Variants in MIPEP observed in about 807,000 individuals in gnomAD.
MIPEP encodes the protein mitochondrial intermediate peptidase.
Under a neutral mutation model 90.3 loss-of-function variants are expected in MIPEP, and 79 were observed. That is an observed-to-expected ratio of 0.87 (90% CI 0.73 to 1.05). The LOEUF is 1.05. MIPEP is among the 50% of genes least tolerant of loss of function. The pLI, the probability that MIPEP is intolerant of heterozygous loss-of-function variation, is 0.00. For missense variants in MIPEP, 940 were observed against 905.6 expected, an observed-to-expected ratio of 1.04 and a Z score of -0.49; for synonymous variants, 334 against 315.8, an observed-to-expected ratio of 1.06 and a Z score of -0.61.
intron 16 of MIPEP, among the ~76,000 whole-genome samples, chr13:23,768,792 A>AG (rs1952618982): frequency 6.6e-6 from 1 of 152,174 alleles, no homozygotes; most frequent in Admixed American, 6.5e-5. Context: ...AATGTTAAGG[A>AG]CAAACAAAAT....
intron 14 of MIPEP, among the ~76,000 whole-genome samples, chr13:23,835,587 C>T (rs1205781733): frequency 1.3e-5 from 2 of 152,022 alleles, no homozygotes; most frequent in South Asian, 2.1e-4. Flanking sequence ...TCACGTAATA[C>T]GGTTCTAGTA....
intron 17 of MIPEP, among the ~76,000 whole-genome samples, chr13:23,757,871 T>C (rs1039873895): frequency 6.6e-6 from 1 of 152,244 alleles, no homozygotes; most frequent in Admixed American, 6.5e-5. Context: ...CTCTTTTGTA[T>C]TTTATGAAAA....
chr13:23,765,292 AC>A (rs1198293840), intron 16 of MIPEP, among the ~76,000 whole-genome samples: 13 of 152,334 alleles, frequency 8.5e-5, no homozygotes, highest in Non-Finnish European at 1.6e-4. Flanking sequence ...TTTCCTATCC[AC>A]AGTTTCAGTT....
chr13:23,858,994 G>T, intron 9 of MIPEP, 82 bp from the exon 10 acceptor site: 1 of 1,093,238 alleles, frequency 9.1e-7, no homozygotes, highest in Non-Finnish European at 1.4e-6. Context: ...CCTATAGAAT[G>T]TAAACCAGCT....
intron 18 of MIPEP, among the ~76,000 whole-genome samples, chr13:23,736,125 C>T (rs1952261201): frequency 6.6e-6 from 1 of 152,178 alleles, no homozygotes; most frequent in Admixed American, 6.5e-5. Flanking sequence ...GAGCTGTTAA[C>T]TCCAACCAAG....
intron 5 of MIPEP, among the ~76,000 whole-genome samples, chr13:23,873,402 G>A (rs1268947788): frequency 1.3e-5 from 2 of 152,196 alleles, no homozygotes; most frequent in Non-Finnish European, 2.9e-5. Context: ...CTGACCAGCA[G>A]GATGGTGACA....
In MIPEP at chr13:23,796,051, T is replaced by A. The variant is rs1952956195; in HGVS notation, c.1848+9899A>T. ...AGTGTTTAAATGTCACCTATCTTCA[T>A]ATATTATATATATATGTGTGTGTGT... On this transcript the variant is annotated intron_variant, in intron 16 of 18. Transcript: ENST00000382172. 2.0e-5 allele frequency among the ~76,000 whole-genome samples: 3 copies of A among 152,152 alleles called. No individual in the cohort carries two copies. The South Asian group carries it at 6.2e-4, about 31-fold the overall frequency.
chr13:23,760,175 T>C lies in MIPEP; in HGVS notation c.1891A>G (p.Arg631Gly). The C allele has an allele frequency of 6.2e-7, 1 of 1,614,006 alleles. No individual in the cohort carries two copies. The highest frequency in any genetic ancestry group is 1.1e-5 in the South Asian group (1 of 91,074). ...CTGGACATGAGGTAAGAGTAATATC[T>C]AGCACCATACCCCACGAGGTGGCTG... ...RFSHLVGYGARYYSYLMSRAV... is the reference protein window; with the variant it reads ...RFSHLVGYGAGYYSYLMSRAV... Residue 631 changes from arginine to glycine, a missense_variant, in exon 17 of 19, where the codon AGA (arginine) becomes GGA (glycine). Arg to Gly is a moderately radical substitution (Grantham distance 125). Transcript: ENST00000382172.
intron 4 of MIPEP, among the ~76,000 whole-genome samples, chr13:23,877,568 AT>A (rs1384215227): frequency 6.6e-6 from 1 of 152,206 alleles, no homozygotes; most frequent in Non-Finnish European, 1.5e-5. Flanking sequence ...AAATACATTG[AT>A]ACATCAGATT....
intron 14 of MIPEP, among the ~76,000 whole-genome samples, chr13:23,812,224 G>A (rs550052411): frequency 7.9e-5 from 12 of 152,170 alleles, no homozygotes; most frequent in South Asian, 2.1e-4. Flanking sequence ...CGTAGGGGAC[G>A]GTATGTGAGC....
At chr13:23,764,210 T>C (rs915729476) in intron 16 of MIPEP, among the ~76,000 whole-genome samples, 4 of 152,234 alleles carry the variant, frequency 2.6e-5, no homozygotes, top group Non-Finnish European at 5.9e-5. Context: ...ATCCTATTGC[T>C]GTCCCAAGGC....
chr13:23,791,565 C>T (rs752894073), intron 16 of MIPEP, among the ~76,000 whole-genome samples: 15 of 152,182 alleles, frequency 9.9e-5, no homozygotes, highest in African/African-American at 1.4e-4. Context: ...TCGGGCTCTA[C>T]GGGCTAACCC....
intron 10 of MIPEP, among the ~76,000 whole-genome samples, chr13:23,854,212 G>C (rs1341835436): frequency 2.4e-5 from 3 of 124,798 alleles, no homozygotes; most frequent in South Asian, 2.6e-4. Context: ...TTTTTTTGTA[G>C]AATCTGGGAG....
intron 16 of MIPEP, among the ~76,000 whole-genome samples, chr13:23,773,424 T>C (rs1952675332): frequency 1.3e-5 from 2 of 152,188 alleles, no homozygotes; most frequent in Non-Finnish European, 2.9e-5. Context: ...CATTTGTGCA[T>C]ACATTTTTGG....
chr13:23,825,254 A>G (rs1476720781), intron 14 of MIPEP, among the ~76,000 whole-genome samples: 1 of 152,254 alleles, frequency 6.6e-6, no homozygotes, highest in Non-Finnish European at 1.5e-5. Flanking sequence ...GAAAGTAAGA[A>G]AAGTTCCAAA....
At chr13:23,852,850 A>G (rs929001986) in intron 10 of MIPEP, among the ~76,000 whole-genome samples, 2 of 152,196 alleles carry the variant, frequency 1.3e-5, no homozygotes, top group Non-Finnish European at 2.9e-5. Context: ...CTAGTAGGAC[A>G]AGATGTGGAG....
intron 16 of MIPEP, among the ~76,000 whole-genome samples, chr13:23,782,525 C>G (rs1273822303): frequency 6.6e-6 from 1 of 152,092 alleles, no homozygotes; most frequent in East Asian, 1.9e-4. Context: ...AAATGACACC[C>G]TAACATCACA....
chr13:23,831,395 G>A (rs1355275552), intron 14 of MIPEP, among the ~76,000 whole-genome samples: 1 of 149,778 alleles, frequency 6.7e-6, no homozygotes, highest in East Asian at 2.0e-4. Flanking sequence ...GGGGGGGGAT[G>A]TGGATGGGAA....
intron 4 of MIPEP, among the ~76,000 whole-genome samples, chr13:23,877,621 T>C (rs1871120475): frequency 6.6e-6 from 1 of 152,232 alleles, no homozygotes; most frequent in Non-Finnish European, 1.5e-5. Flanking sequence ...AGAAAAGTTC[T>C]GAACATCTCA....
Sources: allele counts gnomAD v4.1 joint callset (sites outside exome capture counted in the v4.1 genomes callset), GRCh38; gene constraint gnomAD v4.1.1; transcripts MANE v1.5; gene names NCBI Gene and HGNC (gene_info 2026-07-23, HGNC 2026-07-21).